VPS13B: variants seen among roughly 807,000 people sequenced by gnomAD.
The protein encoded by VPS13B is vacuolar protein sorting 13 homolog B.
A neutral mutation model predicts 426.4 loss-of-function variants in VPS13B; 285 were observed. The observed-to-expected ratio is 0.67, with a 90% CI of 0.61 to 0.74. VPS13B has a LOEUF of 0.74. Among genes scored for constraint, VPS13B ranks in the 30% least tolerant of loss-of-function variants. VPS13B has a pLI of 0.00. For synonymous variants in VPS13B, 1,676 were observed against 1,676.4 expected, an observed-to-expected ratio of 1.00 and a Z score of 0.01; for missense variants, 4,537 against 4,782.6, an observed-to-expected ratio of 0.95 and a Z score of 1.51.
chr8:99,318,152 G>A (rs753389004), intron 19 of VPS13B, among the ~76,000 whole-genome samples: 6 of 152,116 alleles, frequency 3.9e-5, no homozygotes, highest in Non-Finnish European at 8.8e-5. Context: ...CTATTGGATG[G>A]GGTAATATTT....
intron 17 of VPS13B, chr8:99,233,605 C>T: frequency 8.4e-7 from 1 of 1,197,498 alleles, no homozygotes; most frequent in South Asian, 1.2e-5. Flanking sequence ...TTTCAAAGGC[C>T]TCACGCAGCT....
chr8:99,793,963 G>A (rs1050266396), intron 43 of VPS13B, among the ~76,000 whole-genome samples: 1 of 152,132 alleles, frequency 6.6e-6, no homozygotes, highest in African/African-American at 2.4e-5. Flanking sequence ...TCCTAGTAAA[G>A]GACTCAGCTT....
chr8:99,845,133 C>G (rs1448583565), intron 54 of VPS13B, among the ~76,000 whole-genome samples: 1 of 152,186 alleles, frequency 6.6e-6, no homozygotes, highest in Non-Finnish European at 1.5e-5. Context: ...AAGCCAGGGT[C>G]TCCTGTTGTA....
At chr8:99,592,559 A>C (rs1275081181) in intron 33 of VPS13B, among the ~76,000 whole-genome samples, 1 of 151,852 alleles carries the variant, frequency 6.6e-6, no homozygotes. Context: ...TTAGAAAAAA[A>C]CTTTTTAAAA....
rs761562870 is a variant in VPS13B at position 99,556,451 on chromosome 8, A to G, written c.4747A>G (p.Arg1583Gly). The change falls in exon 31 of 62, where the codon AGA (arginine) becomes GGA (glycine). Residue 1583 changes from arginine (R) to glycine (G), a missense_variant and splice_region_variant. By Grantham distance (125) the Arg-to-Gly change is moderately radical. Coordinates refer to ENST00000357162, the MANE Select transcript of VPS13B (RefSeq NM_152564.5). ...TTGTTTTTTTCGCTGCCTTTACAGG[A>G]GAGCCTTGAACTTAGGAATTCTTCG... ...RSVLRKDIYQ[R>G]ALNLGILRDP... 6.2e-7 allele frequency: 1 copy of G among 1,612,496 alleles called. No individual in the cohort carries two copies. Among genetic ancestry groups the G allele is most frequent in the Non-Finnish European group, 8.5e-7 (1 of 1,179,386 alleles).
intron 23 of VPS13B, among the ~76,000 whole-genome samples, chr8:99,461,319 T>G (rs1279280401): frequency 6.6e-6 from 1 of 152,184 alleles, no homozygotes; most frequent in Non-Finnish European, 1.5e-5. Context: ...GTAGACAGTT[T>G]GTGCAATAAA....
chr8:99,861,137 C>T (rs1816810390), intron 57 of VPS13B, among the ~76,000 whole-genome samples: 1 of 152,200 alleles, frequency 6.6e-6, no homozygotes, highest in Non-Finnish European at 1.5e-5. Context: ...TCAGTGAAGG[C>T]ATCAATACTG....
At chr8:99,610,396 A>T (rs1827791985) in intron 33 of VPS13B, among the ~76,000 whole-genome samples, 1 of 152,230 alleles carries the variant, frequency 6.6e-6, no homozygotes, top group Non-Finnish European at 1.5e-5. Context: ...TACACCATGG[A>T]ATACTACGCA....
chr8:99,148,320 C>T (rs1346322843), intron 14 of VPS13B, among the ~76,000 whole-genome samples: 2 of 149,292 alleles, frequency 1.3e-5, no homozygotes, highest in African/African-American at 4.9e-5. Flanking sequence ...ACTATGATCA[C>T]GCCACTACAC....
intron 39 of VPS13B, among the ~76,000 whole-genome samples, chr8:99,756,260 A>G (rs1023822120): frequency 6.6e-6 from 1 of 152,224 alleles, no homozygotes; most frequent in South Asian, 2.1e-4. Flanking sequence ...AGGAAGAAGA[A>G]TGAATCAGTG....
intron 39 of VPS13B, among the ~76,000 whole-genome samples, chr8:99,743,332 C>G (rs1463234818): frequency 2.0e-5 from 3 of 151,834 alleles, no homozygotes; most frequent in African/African-American, 7.3e-5. Context: ...AGGATACAAA[C>G]AAATGGAAGA....
intron 15 of VPS13B, among the ~76,000 whole-genome samples, chr8:99,165,368 C>G (rs1354227503): frequency 6.6e-6 from 1 of 152,066 alleles, no homozygotes; most frequent in Non-Finnish European, 1.5e-5. Flanking sequence ...TATGGCTTAC[C>G]AATTCCTCTT....
chr8:99,806,758 A>G (rs1196819604), intron 43 of VPS13B, among the ~76,000 whole-genome samples: 1 of 152,188 alleles, frequency 6.6e-6, no homozygotes, highest in East Asian at 1.9e-4. Context: ...TTGTTACTAA[A>G]TGGAGACTTA....
intron 8 of VPS13B, among the ~76,000 whole-genome samples, chr8:99,134,250 A>T (rs1408281242): frequency 1.3e-5 from 2 of 152,168 alleles, no homozygotes; most frequent in African/African-American, 4.8e-5. Flanking sequence ...AGTCTTGGAA[A>T]TGACTGAAAC....
chr8:99,699,584 G>T lies in VPS13B; in HGVS notation c.6106G>T (p.Asp2036Tyr), dbSNP rs775482916. ...AGCAAACCTGAGTTTCACCAAACTG[G>T]ATCAGATAAACCTTTTTTTAAAGAA... ...LKANLSFTKL[D>Y]QINLFLKKIK... is the part of the protein sequence containing the mutation. Residue 2036 changes from aspartate (D) to tyrosine (Y), a missense_variant, in exon 36 of 62, where the codon GAT (aspartate) becomes TAT (tyrosine). Around this residue, in one of 2 missense-constraint regions of VPS13B, gnomAD observed 4,311 missense variants for 4,474.3 expected, o/e 0.96. Coordinates refer to ENST00000357162, the MANE Select transcript of VPS13B (RefSeq NM_152564.5). 2 of 1,613,930 alleles carry T rather than the reference G, an allele frequency of 1.2e-6. No individual in the cohort carries two copies. The highest frequency in any genetic ancestry group is 2.2e-5 in the South Asian group (2 of 91,068).
intron 29 of VPS13B, among the ~76,000 whole-genome samples, chr8:99,518,344 G>A (rs1338128107): frequency 1.3e-5 from 2 of 152,116 alleles, no homozygotes; most frequent in African/African-American, 2.4e-5. Flanking sequence ...ATTTGATAAG[G>A]TTGGCATAAA....
At chr8:99,222,731 T>G (rs553466534) in intron 17 of VPS13B, among the ~76,000 whole-genome samples, 42 of 152,340 alleles carry the variant, frequency 2.8e-4, no homozygotes, top group African/African-American at 1.0e-3. Flanking sequence ...TATACCTCAA[T>G]TTTTTCATGA....
Position 99,767,026 on chromosome 8 carries a change from T to A in VPS13B, c.7247+56T>A, listed in dbSNP as rs1230832981. The A allele has an allele frequency of 5.8e-6, 9 of 1,549,986 alleles. No homozygotes were observed. The East Asian group carries it at 2.0e-4, about 35-fold the overall frequency. ...TACACTGGGAAACAATGATAAGTCA[T>A]CTTTTCCTATCTAGTGACCCCTCAC... is the stretch of plus-strand genomic sequence containing the variant. On this transcript the variant is annotated intron_variant, in intron 40 of 61. Coordinates refer to ENST00000357162, the MANE Select transcript of VPS13B (RefSeq NM_152564.5).
chr8:99,517,732 G>C (rs557401661), intron 29 of VPS13B, among the ~76,000 whole-genome samples: 2 of 152,068 alleles, frequency 1.3e-5, no homozygotes, highest in East Asian at 1.9e-4. Flanking sequence ...AAAAAATAGA[G>C]TTAAAGCAAG....
Sources: allele counts gnomAD v4.1 joint callset (sites outside exome capture counted in the v4.1 genomes callset), GRCh38; gene constraint gnomAD v4.1.1; regional missense constraint gnomAD v4.1.1; transcripts MANE v1.5; gene names NCBI Gene and HGNC (gene_info 2026-07-23, HGNC 2026-07-21).